TPST2: variants seen among roughly 807,000 people sequenced by gnomAD.
The protein encoded by TPST2 is protein-tyrosine sulfotransferase 2.
Under a neutral mutation model 27.8 loss-of-function variants are expected in TPST2, and 16 were observed. The observed-to-expected ratio is 0.58, with a 90% CI of 0.39 to 0.88. The LOEUF is 0.88. TPST2 is among the 40% of genes least tolerant of loss of function. TPST2 has a pLI of 0.00. For synonymous variants in TPST2, 229 were observed against 231.7 expected (o/e 0.99, Z 0.10); for missense variants, 464 against 543.1 (o/e 0.85, Z 1.45).
chr22:26,560,128 CA>C (rs1252959453), intron 1 of TPST2, among the ~76,000 whole-genome samples: 13 of 152,156 alleles, frequency 8.5e-5, no homozygotes, highest in African/African-American at 3.1e-4. Context: ...AGAGTGTGGC[CA>C]AGGTCACACA....
chr22:26,560,810 C>G, intron 1 of TPST2: 1 of 1,433,992 alleles, frequency 7.0e-7, no homozygotes, highest in Non-Finnish European at 9.8e-7. Flanking sequence ...CGAATGCACC[C>G]AAGAGGACTC....
At chr22:26,577,239 T>C (rs928314390) in intron 1 of TPST2, among the ~76,000 whole-genome samples, 3 of 143,316 alleles carry the variant, frequency 2.1e-5, no homozygotes, top group African/African-American at 7.8e-5. Context: ...CAATCCAGCC[T>C]GGGTGACAGG....
chr22:26,569,394 G>C (rs1002140360), intron 1 of TPST2, among the ~76,000 whole-genome samples: 1 of 152,178 alleles, frequency 6.6e-6, no homozygotes, highest in Non-Finnish European at 1.5e-5. Context: ...TCCAGGTGCT[G>C]GTCACACAGA....
At chr22:26,571,715 A>G (rs959137871) in intron 1 of TPST2, among the ~76,000 whole-genome samples, 1 of 152,088 alleles carries the variant, frequency 6.6e-6, no homozygotes, top group Non-Finnish European at 1.5e-5. Context: ...CAATCAACCT[A>G]AACTCCTAAT....
intron 1 of TPST2, chr22:26,560,605 A>G (rs941888070): frequency 4.1e-6 from 5 of 1,220,344 alleles, no homozygotes; most frequent in African/African-American, 1.5e-5. Context: ...CGGGAGGCGC[A>G]TAAGAAGAAG....
chr22:26,572,017 A>G (rs1441812695), intron 1 of TPST2, among the ~76,000 whole-genome samples: 2 of 152,062 alleles, frequency 1.3e-5, no homozygotes, highest in African/African-American at 4.8e-5. Context: ...TTCAGTATGC[A>G]ATTTCTTCAC....
intron 2 of TPST2, chr22:26,543,062 T>C (rs1925949536): frequency 6.6e-6 from 1 of 152,242 alleles, no homozygotes; most frequent in African/African-American, 2.4e-5. Context: ...TTCCCTCATC[T>C]TAGCCACAGT....
rs997717620 is a variant in TPST2 at position 26,537,483 on chromosome 22, C to T, written c.843-997G>A. Among the ~76,000 whole-genome samples the T allele has an allele frequency of 2.6e-5, 4 of 152,178 alleles. No individual in the cohort carries two copies. The East Asian group carries it at 7.7e-4, about 29-fold the overall frequency. Reference sequence around the variant, plus strand: ...TTTTTTCTTTTTGGAGATGGAGTCTCACTCTGTTGCCCAGGCTGGAGTGCA... The same window carrying T: ...TTTTTTCTTTTTGGAGATGGAGTCTTACTCTGTTGCCCAGGCTGGAGTGCA... On this transcript the variant is annotated intron_variant, in intron 3 of 6. Coordinates refer to ENST00000338754, the MANE Select transcript of TPST2 (RefSeq NM_003595.5).
intron 1 of TPST2, among the ~76,000 whole-genome samples, chr22:26,546,450 C>G (rs966643085): frequency 1.3e-5 from 2 of 152,252 alleles, no homozygotes; most frequent in African/African-American, 4.8e-5. Context: ...CAGGATGGCT[C>G]GCCCAGCTGC....
chr22:26,571,270 GC>G (rs1415481715), intron 1 of TPST2, among the ~76,000 whole-genome samples: 1 of 151,994 alleles, frequency 6.6e-6, no homozygotes, highest in Admixed American at 6.6e-5. Context: ...GGCTGTGCCC[GC>G]TGCCCGGATG....
intron 1 of TPST2, among the ~76,000 whole-genome samples, chr22:26,569,476 C>T (rs746365025): frequency 6.6e-6 from 1 of 152,132 alleles, no homozygotes; most frequent in South Asian, 2.1e-4. Flanking sequence ...ACACGTTAGA[C>T]TTGAATAAAA....
chr22:26,569,898 G>A (rs1160213218), intron 1 of TPST2, among the ~76,000 whole-genome samples: 1 of 148,374 alleles, frequency 6.7e-6, no homozygotes, highest in Non-Finnish European at 1.5e-5. Flanking sequence ...GTTGCAGTGG[G>A]CCGAGATCAT....
intron 1 of TPST2, among the ~76,000 whole-genome samples, chr22:26,585,263 C>T (rs1210600678): frequency 2.0e-5 from 3 of 152,186 alleles, no homozygotes; most frequent in Non-Finnish European, 4.4e-5. Flanking sequence ...ACTCGGCAGA[C>T]GGGCTGGCTG....
At chr22:26,556,580 C>T (rs1247013468) in intron 1 of TPST2, among the ~76,000 whole-genome samples, 1 of 152,120 alleles carries the variant, frequency 6.6e-6, no homozygotes, top group Non-Finnish European at 1.5e-5. Context: ...GCGAGTGCTG[C>T]CACTACTACT....
intron 4 of TPST2, among the ~76,000 whole-genome samples, chr22:26,534,944 C>G (rs552564009): frequency 6.6e-6 from 1 of 152,146 alleles, no homozygotes; most frequent in Non-Finnish European, 1.5e-5. Context: ...CTGGTATGTA[C>G]GTTGAATCTC....
At chr22:26,553,060 CAAAAAAA>C (rs3037016) in intron 1 of TPST2, among the ~76,000 whole-genome samples, 25 of 43,204 alleles carry the variant, frequency 5.8e-4, no homozygotes, top group African/African-American at 1.0e-3. Context: ...AACTCCATCT[CAAAAAAA>C]AAAAAAAAAA....
chr22:26,528,828 AAAAATT>A (rs1924985361), intron 5 of TPST2, among the ~76,000 whole-genome samples: 1 of 151,966 alleles, frequency 6.6e-6, no homozygotes, highest in African/African-American at 2.4e-5. Context: ...ACTAAAATAC[AAAAATT>A]AGCCGGGTGT....
chr22:26,573,952 A>C (rs999945117), intron 1 of TPST2, among the ~76,000 whole-genome samples: 80 of 152,220 alleles, frequency 5.3e-4, no homozygotes, highest in Non-Finnish European at 1.5e-4. Context: ...CAAAGGCTTT[A>C]AGAGCTGCTC....
chr22:26,580,688 GT>G (rs568392561), intron 1 of TPST2, among the ~76,000 whole-genome samples: 111 of 152,226 alleles, frequency 7.3e-4, no homozygotes, highest in Non-Finnish European at 1.2e-3. Context: ...AGGAAGCAAT[GT>G]TTTTTTATGC....
Sources: gnomAD v4.1 joint callset for allele counts (sites outside exome capture counted in the v4.1 genomes callset) on GRCh38, gnomAD v4.1.1 for gene constraint, MANE v1.5 for transcripts, NCBI Gene and HGNC (gene_info 2026-07-23, HGNC 2026-07-21) for gene names.